The following ERICH6B variants were observed in gnomAD, a reference collection of about 807,000 sequenced individuals.
ERICH6B encodes glutamate rich 6B.
ERICH6B carries 69 observed loss-of-function variants against 80.0 expected under a neutral mutation model. That is an observed-to-expected ratio of 0.86 (90% CI 0.71 to 1.05). The LOEUF is 1.05. Among genes scored for constraint, ERICH6B ranks in the 50% least tolerant of loss-of-function variants. The pLI, the probability that ERICH6B is intolerant of heterozygous loss-of-function variation, is 0.00. For synonymous variants in ERICH6B, 283 were observed against 291.9 expected (o/e 0.97, Z 0.31); for missense variants, 754 against 796.1 (o/e 0.95, Z 0.64).
intron 11 of ERICH6B, among the ~76,000 whole-genome samples, chr13:45,558,324 A>G (rs1160634074): frequency 1.3e-5 from 2 of 152,194 alleles, no homozygotes; most frequent in African/African-American, 4.8e-5. Flanking sequence ...TATCAGTTCT[A>G]GGAGCTTTCT....
intron 5 of ERICH6B, among the ~76,000 whole-genome samples, chr13:45,586,184 A>G (rs1284357853): frequency 6.6e-6 from 1 of 152,102 alleles, no homozygotes; most frequent in Non-Finnish European, 1.5e-5. Context: ...TCCTCAGCAC[A>G]TGCTGGCGGT....
intron 8 of ERICH6B, among the ~76,000 whole-genome samples, chr13:45,569,020 TATTC>T (rs1202239099): frequency 6.6e-6 from 1 of 152,254 alleles, no homozygotes; most frequent in Non-Finnish European, 1.5e-5. Context: ...GTGATTTATT[TATTC>T]AATGTGAAGA....
chr13:45,580,011 G>C (rs1428884300), intron 6 of ERICH6B, 37 bp from the exon 7 acceptor site: 1 of 1,488,202 alleles, frequency 6.7e-7, no homozygotes, highest in Non-Finnish European at 9.2e-7. Context: ...ACAGGATACG[G>C]TATAGTGAAC....
At chr13:45,584,930 C>T (rs558023014) in intron 5 of ERICH6B, among the ~76,000 whole-genome samples, 3 of 152,288 alleles carry the variant, frequency 2.0e-5, no homozygotes, top group African/African-American at 7.2e-5. Flanking sequence ...GGTTTTCCTG[C>T]GTCCCTTTCC....
Position 45,596,845 on chromosome 13 carries a change from T to A in ERICH6B, c.161A>T (p.Glu54Val), listed in dbSNP as rs1264148109. The change falls in exon 3 of 15, where the codon GAG becomes GTG. Residue 54 changes from glutamate to valine, a missense_variant. Glu to Val is a moderately radical substitution (Grantham distance 121, BLOSUM62 -2). Coordinates refer to ENST00000298738, the MANE Select transcript of ERICH6B (RefSeq NM_182542.3). ...CAGATACTCTTTGTCCTCCAGAGAC[T>A]CTCCCTCTGGAGAAAATGGAGATTC... ...QDESPFSPEGESLEDKEYLEE... is the reference protein window; with the variant it reads ...QDESPFSPEGVSLEDKEYLEE... 1.3e-6 allele frequency: 2 copies of A among 1,551,712 alleles called. No homozygotes were observed. The highest frequency in any genetic ancestry group is 2.7e-5 in the African/African-American group (2 of 73,070).
At chr13:45,544,226 C>A (rs1206370468) in intron 14 of ERICH6B, among the ~76,000 whole-genome samples, 1 of 152,106 alleles carries the variant, frequency 6.6e-6, no homozygotes, top group East Asian at 1.9e-4. Flanking sequence ...GCGTGAGCCA[C>A]TGGGATCAGC....
chr13:45,594,636 C>G (rs542086181), intron 3 of ERICH6B, among the ~76,000 whole-genome samples: 61 of 152,156 alleles, frequency 4.0e-4, no homozygotes, highest in Non-Finnish European at 8.2e-4. Context: ...GAGTAGGAAT[C>G]AAGGATGGTA....
chr13:45,567,180 T>C (rs923739714), intron 9 of ERICH6B, among the ~76,000 whole-genome samples: 4 of 152,248 alleles, frequency 2.6e-5, no homozygotes, highest in Non-Finnish European at 4.4e-5. Context: ...CCACTGTATC[T>C]AGGAAGTAAC....
intron 2 of ERICH6B, among the ~76,000 whole-genome samples, chr13:45,599,095 G>T (rs1348248646): frequency 6.6e-6 from 1 of 152,186 alleles, no homozygotes; most frequent in African/African-American, 2.4e-5. Context: ...TCAGCAGTTT[G>T]CATTTTAGAG....
At chr13:45,567,259 C>A (rs182484369) in intron 9 of ERICH6B, among the ~76,000 whole-genome samples, 284 of 152,324 alleles carry the variant, frequency 1.9e-3, no homozygotes, top group Non-Finnish European at 3.2e-3. Flanking sequence ...AGACTTCGGA[C>A]TGTAAACTTT....
chr13:45,603,955 G>C (rs893930117), intron 2 of ERICH6B, among the ~76,000 whole-genome samples: 1 of 152,236 alleles, frequency 6.6e-6, no homozygotes, highest in South Asian at 2.1e-4. Context: ...TTGAGTGAAT[G>C]TGTGAATACA....
In ERICH6B at chr13:45,607,749, C is replaced by T. The variant is rs573215459; in HGVS notation, c.-110-134G>A. 2.0e-5 allele frequency: 3 copies of T among 152,210 alleles called. No individual in the cohort carries two copies. In the East Asian group the frequency reaches 5.8e-4, roughly 29 times the overall value. 9.4% of individuals were successfully genotyped at this position (152,210 alleles called of 1,614,324 possible). On this transcript the variant is annotated intron_variant, in intron 1 of 14. Coordinates refer to ENST00000298738, the MANE Select transcript of ERICH6B (RefSeq NM_182542.3). ...ATTTAGTTTTGTGGTATGTTTCTTCCTTAAAGTTCCTTGGTCAGTAGCTTT... is the reference window on the plus strand; with the variant it reads ...ATTTAGTTTTGTGGTATGTTTCTTCTTTAAAGTTCCTTGGTCAGTAGCTTT...
intron 5 of ERICH6B, 121 bp from the exon 6 acceptor site, chr13:45,580,786 G>C (rs563929022): frequency 2.1e-6 from 2 of 939,644 alleles, no homozygotes; most frequent in South Asian, 3.1e-5. Context: ...TCAACAGTTG[G>C]GGGGAACTGA....
rs775463115 is a variant in ERICH6B, at chr13:45,546,318, T to C, written c.1647-1333A>G. On this transcript the variant is annotated intron_variant, in intron 13 of 14. Coordinates refer to ENST00000298738, the MANE Select transcript of ERICH6B (RefSeq NM_182542.3). ...AATCAGTGCCCTTGGGGCAGCAACA[T>C]CTCTAGGGAATCACATGAAGAAAGG... Among the ~76,000 whole-genome samples, 11 of 152,024 alleles carry C rather than the reference T, an allele frequency of 7.2e-5. 1 individual carries two copies. The highest frequency in any genetic ancestry group is 1.3e-4 in the Non-Finnish European group (9 of 67,996).
At chr13:45,584,598 C>T (rs187112195) in intron 5 of ERICH6B, among the ~76,000 whole-genome samples, 12 of 152,280 alleles carry the variant, frequency 7.9e-5, no homozygotes, top group African/African-American at 2.9e-4. Context: ...AATGCAGATT[C>T]CAGGATGTTT....
At chr13:45,584,564 G>A (rs1875817115) in intron 5 of ERICH6B, among the ~76,000 whole-genome samples, 1 of 152,310 alleles carries the variant, frequency 6.6e-6, no homozygotes, top group East Asian at 1.9e-4. Flanking sequence ...GTGTCCCCAA[G>A]CATCCTCTGG....
In ERICH6B at chr13:45,596,729, C is replaced by G; in HGVS notation, c.277G>C (p.Glu93Gln). The G allele has an allele frequency of 6.4e-7, 1 of 1,551,836 alleles. No homozygotes were observed. The highest frequency in any genetic ancestry group is 8.7e-7 in the Non-Finnish European group (1 of 1,147,038). Residue 93 changes from glutamate (E) to glutamine (Q), a missense_variant, in exon 3 of 15, where the codon GAG becomes CAG. By Grantham distance (29) the Glu-to-Gln change is conservative. Coordinates refer to ENST00000298738, the MANE Select transcript of ERICH6B (RefSeq NM_182542.3). ...EEYLGKEEHL[E>Q]EEEYLEKAGY... is the part of the protein sequence containing the mutation. ...GCCTTCTCCAGATACTCTTCCTCCT[C>G]CAGATGCTCTTCCTTCCCCAGATAC...
chr13:45,581,707 G>C (rs181123046), intron 5 of ERICH6B, among the ~76,000 whole-genome samples: 1 of 152,270 alleles, frequency 6.6e-6, no homozygotes, highest in Admixed American at 6.5e-5. Context: ...GGACTAATAG[G>C]CCCATGATGA....
chr13:45,603,898 C>T (rs753272744), intron 2 of ERICH6B, among the ~76,000 whole-genome samples: 11 of 152,178 alleles, frequency 7.2e-5, no homozygotes, highest in Non-Finnish European at 1.0e-4. Flanking sequence ...ACTGGTGTAG[C>T]CCAAGGGCCT....
Sources: gnomAD v4.1 joint callset for allele counts (sites outside exome capture counted in the v4.1 genomes callset) on GRCh38, gnomAD v4.1.1 for gene constraint, MANE v1.5 for transcripts, NCBI Gene and HGNC (gene_info 2026-07-23, HGNC 2026-07-21) for gene names.